Variants in CMYA5 observed in about 807,000 individuals in gnomAD.
The protein encoded by CMYA5 is cardiomyopathy-associated protein 5.
A neutral mutation model predicts 318.9 loss-of-function variants in CMYA5; 246 were observed. The observed-to-expected ratio is 0.77, with a 90% CI of 0.70 to 0.86. The LOEUF (loss-of-function observed/expected upper bound fraction) is 0.86, where lower values mean the gene tolerates loss of function less well. CMYA5 is among the 40% of genes least tolerant of loss of function. The probability of loss-of-function intolerance (pLI) is 0.00; values close to 1 mark genes in which losing one functional copy is unlikely to be tolerated. For synonymous variants in CMYA5, 1,641 were observed against 1,729.5 expected (o/e 0.95, Z 1.27); for missense variants, 4,589 against 4,678.2 (o/e 0.98, Z 0.56).
At position 79,737,329 on chromosome 5, in the gene CMYA5, A is replaced by C. The variant is rs777425463; in HGVS notation, c.8564A>C (p.Lys2855Thr). 22 of 1,613,708 alleles carry C rather than the reference A, an allele frequency of 1.4e-5. No individual in the cohort carries two copies. The African/African-American group carries it at 2.5e-4, about 19-fold the overall frequency. Reference protein sequence around the residue: ...RHTVHTIQTSKDDTSDVPKQS... With the variant: ...RHTVHTIQTSTDDTSDVPKQS... Reference sequence around the variant, plus strand: ...ACAGTTCATACTATTCAGACATCTAAAGATGACACATCCGATGTGCCTAAA... The same window carrying C: ...ACAGTTCATACTATTCAGACATCTACAGATGACACATCCGATGTGCCTAAA... The change falls in exon 2 of 13, where the codon AAA (lysine) becomes ACA (threonine). Residue 2855 changes from lysine to threonine, a missense_variant. By Grantham distance (78) the Lys-to-Thr change is moderately conservative. Coordinates refer to ENST00000446378, the MANE Select transcript of CMYA5 (RefSeq NM_153610.5).
chr5:79,765,790 T>C (rs1828739500), intron 9 of CMYA5, among the ~76,000 whole-genome samples: 1 of 152,206 alleles, frequency 6.6e-6, no homozygotes, highest in Non-Finnish European at 1.5e-5. Flanking sequence ...GCTCTGTGTT[T>C]GTCTATTATG....
chr5:79,713,537 G>A (rs748689994), intron 1 of CMYA5, among the ~76,000 whole-genome samples: 1 of 151,948 alleles, frequency 6.6e-6, no homozygotes, highest in Non-Finnish European at 1.5e-5. Context: ...TAGTGGTTGA[G>A]TTTTATGCTT....
intron 11 of CMYA5, among the ~76,000 whole-genome samples, chr5:79,792,446 A>G (rs1362170037): frequency 6.6e-6 from 1 of 152,228 alleles, no homozygotes; most frequent in Non-Finnish European, 1.5e-5. Context: ...ACTGATGATA[A>G]CTGTAATGTG....
intron 1 of CMYA5, among the ~76,000 whole-genome samples, chr5:79,725,863 C>T (rs1014228730): frequency 6.6e-6 from 1 of 152,174 alleles, no homozygotes; most frequent in Non-Finnish European, 1.5e-5. Context: ...AAGACTGCAA[C>T]CCTGCACTCC....
intron 5 of CMYA5, among the ~76,000 whole-genome samples, chr5:79,750,568 T>C (rs77383095): frequency 0.012 from 1,777 of 145,370 alleles, 15 homozygotes; most frequent in Middle Eastern, 0.021. Context: ...TCCCTTCATA[T>C]TACATCTCTA....
intron 1 of CMYA5, among the ~76,000 whole-genome samples, chr5:79,726,744 G>A (rs1267145246): frequency 6.6e-6 from 1 of 152,076 alleles, no homozygotes; most frequent in East Asian, 1.9e-4. Context: ...CCCCTTTGCA[G>A]TAGACTGCTG....
Position 79,761,705 on chromosome 5 carries a change from G to T in CMYA5, c.11261-106G>T. 5 of 1,218,382 alleles carry T rather than the reference G, an allele frequency of 4.1e-6. No individual in the cohort carries two copies. In the Admixed American group the frequency reaches 1.2e-4, roughly 30 times the overall value. The allele number at this position is 1,218,382 out of a possible 1,614,324, so 75.5% of individuals were successfully genotyped here. A position where few individuals can be genotyped will look rare whatever the true frequency, so the allele number is the denominator to read the frequency against. ...CATAATGGTATCTGTAAGGTTATCA[G>T]TTTGCATTTTCCACTGAAAGAAAAT... On this transcript the variant is annotated intron_variant, in intron 7 of 12. Transcript: ENST00000446378.
In CMYA5 at chr5:79,735,667, T is replaced by C; in HGVS notation, c.6902T>C (p.Met2301Thr). 3 of 1,612,990 alleles carry C rather than the reference T, an allele frequency of 1.9e-6. No individual in the cohort carries two copies. Among genetic ancestry groups the C allele is most frequent in the Non-Finnish European group, 2.5e-6 (3 of 1,179,616 alleles). Residue 2301 changes from methionine (M) to threonine (T), a missense_variant, in exon 2 of 13, where the codon ATG becomes ACG. Around this residue, in one of 3 missense-constraint regions of CMYA5, gnomAD observed 2,431 missense variants for 2,495.1 expected, o/e 0.97. Transcript: ENST00000446378. ...GAAATCTCAGGCGATTCAGAGGAAATGAACATAAACTCAGTAGTTACTTCT... is the reference window on the plus strand; with the variant it reads ...GAAATCTCAGGCGATTCAGAGGAAACGAACATAAACTCAGTAGTTACTTCT... ...KKEISGDSEE[M>T]NINSVVTSAD...
intron 1 of CMYA5, among the ~76,000 whole-genome samples, chr5:79,713,298 C>CA (rs1456097315): frequency 2.5e-5 from 1 of 39,538 alleles, no homozygotes; most frequent in Admixed American, 3.1e-4. Flanking sequence ...CTGCACCCCG[C>CA]CCCCACCCCC....
chr5:79,725,865 C>T (rs1215539602), intron 1 of CMYA5, among the ~76,000 whole-genome samples: 1 of 152,188 alleles, frequency 6.6e-6, no homozygotes, highest in Non-Finnish European at 1.5e-5. Flanking sequence ...GACTGCAACC[C>T]TGCACTCCAG....
intron 1 of CMYA5, among the ~76,000 whole-genome samples, chr5:79,711,294 A>G (rs1480940433): frequency 2.0e-5 from 3 of 152,226 alleles, no homozygotes; most frequent in African/African-American, 4.8e-5. Context: ...AGCTCCACCA[A>G]TAGCCAGGCT....
intron 5 of CMYA5, 126 bp from the exon 6 acceptor site, chr5:79,752,550 G>T: frequency 1.8e-6 from 1 of 569,256 alleles, no homozygotes. Context: ...TTTTTGGATA[G>T]AGTGAGAGGC....
At chr5:79,776,968 C>G (rs1828950096) in intron 9 of CMYA5, among the ~76,000 whole-genome samples, 1 of 152,142 alleles carries the variant, frequency 6.6e-6, no homozygotes, top group South Asian at 2.1e-4. Context: ...AACAACCACA[C>G]CCTGTAATTG....
Position 79,739,003 on chromosome 5 carries a change from G to A in CMYA5, c.10238G>A (p.Arg3413His), listed in dbSNP as rs780179250. 5.8e-5 allele frequency: 93 copies of A among 1,613,758 alleles called. No homozygotes were observed. Among genetic ancestry groups the A allele is most frequent in the Non-Finnish European group, 6.7e-5 (79 of 1,179,848 alleles). ...VPPEPSEERL[R>H]NSPVQDEYEF... ...CCTGAGCCAAGTGAAGAGAGGCTCC[G>A]TAATAGCCCTGTTCAGGATGAGTAT... The change falls in exon 2 of 13, where the codon CGT becomes CAT. Residue 3413 changes from arginine (R) to histidine (H), a missense_variant. Transcript: ENST00000446378.
chr5:79,730,757 C>G lies in CMYA5; in HGVS notation c.1992C>G (p.Asn664Lys), dbSNP rs1827875118. The change falls in exon 2 of 13, where the codon AAC becomes AAG. Residue 664 changes from asparagine (N) to lysine (K), a missense_variant. Around this residue, in one of 3 missense-constraint regions of CMYA5, gnomAD observed 2,132 missense variants for 2,131.3 expected, o/e 1.00. Coordinates refer to ENST00000446378, the MANE Select transcript of CMYA5 (RefSeq NM_153610.5). ...SPSTTEKTSENQSPLFSTVTP... is the reference protein window; with the variant it reads ...SPSTTEKTSEKQSPLFSTVTP... ...CCACAACTGAGAAGACTTCAGAGAA[C>G]CAGTCTCCACTGTTTTCAACAGTTA... 1 of 1,613,898 alleles carries G rather than the reference C, an allele frequency of 6.2e-7. No individual in the cohort carries two copies. Among genetic ancestry groups the G allele is most frequent in the African/African-American group, 1.3e-5 (1 of 75,032 alleles).
At position 79,738,699 on chromosome 5, in the gene CMYA5, G is replaced by A. The variant is rs752496919; in HGVS notation, c.9934G>A (p.Glu3312Lys). 49 of 1,613,938 alleles carry A rather than the reference G, an allele frequency of 3.0e-5. No individual in the cohort carries two copies. The highest frequency in any genetic ancestry group is 4.2e-5 in the Non-Finnish European group (49 of 1,179,860). Residue 3312 changes from glutamate to lysine, a missense_variant, in exon 2 of 13, where the codon GAG becomes AAG. This residue lies in a region of CMYA5 where 2,431 missense variants were observed against 2,495.1 expected (regional missense o/e 0.97). Coordinates refer to ENST00000446378, the MANE Select transcript of CMYA5 (RefSeq NM_153610.5). ...GGAAGGAGAATCAGTAGACCATGTG[G>A]AGACCGTTGGTAACGTAGCGATGCA... ...YGEGESVDHV[E>K]TVGNVAMQKK...
chr5:79,775,052 C>T (rs1473398417), intron 9 of CMYA5, among the ~76,000 whole-genome samples: 3 of 152,142 alleles, frequency 2.0e-5, no homozygotes, highest in Non-Finnish European at 4.4e-5. Flanking sequence ...GTCACTGACA[C>T]GATTGGGCCA....
At chr5:79,705,135 G>T (rs564489824) in intron 1 of CMYA5, among the ~76,000 whole-genome samples, 172 of 152,222 alleles carry the variant, frequency 1.1e-3, no homozygotes, top group Non-Finnish European at 1.7e-3. Context: ...AACCAGGCGT[G>T]GTGGCGCACG....
intron 1 of CMYA5, among the ~76,000 whole-genome samples, chr5:79,706,229 A>C (rs1013930567): frequency 1.3e-5 from 2 of 152,172 alleles, no homozygotes; most frequent in African/African-American, 4.8e-5. Context: ...GGGTCATTTG[A>C]TTATGAGGTG....
Sources: gnomAD v4.1 joint callset for allele counts (sites outside exome capture counted in the v4.1 genomes callset) on GRCh38, gnomAD v4.1.1 for gene constraint, gnomAD v4.1.1 regional missense constraint, MANE v1.5 for transcripts, NCBI Gene and HGNC (gene_info 2026-07-23, HGNC 2026-07-21) for gene names.